Variants in SYCP2 observed in about 807,000 individuals in gnomAD.
SYCP2 encodes synaptonemal complex lateral element protein.
A neutral mutation model predicts 211.3 loss-of-function variants in SYCP2; 55 were observed. The ratio of observed to expected loss-of-function variants is 0.26; its 90% CI spans 0.21 to 0.33. SYCP2 has a LOEUF of 0.33. SYCP2 is among the 10% of genes least tolerant of loss of function. The probability of loss-of-function intolerance (pLI) is 1.00; values close to 1 mark genes in which losing one functional copy is unlikely to be tolerated. For missense variants in SYCP2, 1,731 were observed against 1,752.0 expected, an observed-to-expected ratio of 0.99 and a Z score of 0.21; for synonymous variants, 570 against 555.2, an observed-to-expected ratio of 1.03 and a Z score of -0.37.
rs765295522 is a variant in SYCP2, at chr20:59,913,980, T to G, written c.825A>C (p.Lys275Asn). Residue 275 changes from lysine (K) to asparagine (N), a missense_variant, in exon 12 of 45, where the codon AAA becomes AAC. This residue lies in a region of SYCP2 where 335 missense variants were observed against 378.8 expected (regional missense o/e 0.88). Transcript: ENST00000357552. ...LNLVNGMLGD[K>N]RRVFTFPCLS... ...GTATCTTGCATTAAGTTTACCTTCT[T>G]TTGTCTCCAAGCATGCCATTTACAA... 4 of 1,597,664 alleles carry G rather than the reference T, an allele frequency of 2.5e-6. No individual in the cohort carries two copies. Among genetic ancestry groups the G allele is most frequent in the Admixed American group, 3.5e-5 (2 of 57,396 alleles).
At chr20:59,867,976 AG>A in intron 38 of SYCP2, 129 bp from the exon 39 acceptor site, 1 of 645,368 alleles carries the variant, frequency 1.5e-6, no homozygotes, top group Non-Finnish European at 2.5e-6. Context: ...ATGAAATCAA[AG>A]GCAGAAGAGT....
chr20:59,882,796 G>C lies in SYCP2; in HGVS notation c.2530-631C>G, dbSNP rs191057246. 7.5e-4 allele frequency among the ~76,000 whole-genome samples: 114 copies of C among 151,942 alleles called. 1 individual carries two copies. The East Asian group carries it at 0.02, about 26-fold the overall frequency. ...CCAGGAAGAGTAGGAAGGAGTAGGG[G>C]GGGAACTAAGGGATTAAAAAATATA... On this transcript the variant is annotated intron_variant, in intron 26 of 44. Transcript: ENST00000357552.
At chr20:59,874,893 T>C (rs2059524612) in intron 34 of SYCP2, among the ~76,000 whole-genome samples, 1 of 152,048 alleles carries the variant, frequency 6.6e-6, no homozygotes, top group Non-Finnish European at 1.5e-5. Flanking sequence ...CTTTGGACTT[T>C]TGTTAATGAA....
At chr20:59,886,659 A>T in intron 25 of SYCP2, 48 bp downstream of exon 25, 4 of 1,392,800 alleles carry the variant, frequency 2.9e-6, no homozygotes, top group Non-Finnish European at 3.9e-6. Flanking sequence ...TGTGTAATAT[A>T]GTTGTATCTG....
At chr20:59,886,042 G>T in intron 25 of SYCP2, 78 bp from the exon 26 acceptor site, 1 of 1,072,096 alleles carries the variant, frequency 9.3e-7, no homozygotes, top group Non-Finnish European at 1.4e-6. Flanking sequence ...GATAAACCAT[G>T]TTTGTCACTA....
At chr20:59,916,882 G>T (rs560679636) in intron 7 of SYCP2, among the ~76,000 whole-genome samples, 1 of 152,172 alleles carries the variant, frequency 6.6e-6, no homozygotes, top group South Asian at 2.1e-4. Context: ...TCGTGCCACT[G>T]TACTCCAGCC....
chr20:59,877,960 G>GA (rs1249924518), intron 32 of SYCP2, 48 bp downstream of exon 32: 7 of 1,447,056 alleles, frequency 4.8e-6, no homozygotes, highest in Non-Finnish European at 6.7e-6. Flanking sequence ...TATATGGCAA[G>GA]AAAAAATAAT....
intron 14 of SYCP2, among the ~76,000 whole-genome samples, chr20:59,909,847 C>T (rs1046265083): frequency 1.3e-5 from 2 of 152,030 alleles, no homozygotes; most frequent in Non-Finnish European, 2.9e-5. Context: ...GGAAATAAGA[C>T]AATGTGGAAT....
At chr20:59,890,918 A>G (rs190727247) in intron 24 of SYCP2, among the ~76,000 whole-genome samples, 44 of 152,078 alleles carry the variant, frequency 2.9e-4, no homozygotes, top group Admixed American at 1.5e-3. Flanking sequence ...AAGATGAGAA[A>G]GAGAAAATAA....
chr20:59,875,046 A>G (rs1320012657), intron 34 of SYCP2, among the ~76,000 whole-genome samples: 1 of 152,106 alleles, frequency 6.6e-6, no homozygotes, highest in African/African-American at 2.4e-5. Context: ...ATATTAAAGC[A>G]TTTGATCTTT....
intron 1 of SYCP2, among the ~76,000 whole-genome samples, chr20:59,933,022 G>A (rs1194854011): frequency 6.6e-6 from 1 of 151,936 alleles, no homozygotes; most frequent in Non-Finnish European, 1.5e-5. Flanking sequence ...GGTCACCCCC[G>A]AACCAACAAA....
Position 59,892,322 on chromosome 20 carries a change from C to A in SYCP2, c.2032G>T (p.Asp678Tyr). Reference protein sequence around the residue: ...GKVKYKKEQTDHIKIDKAEVE... With the variant: ...GKVKYKKEQTYHIKIDKAEVE... ...TCTGCTTTATCTATTTTGATATGGT[C>A]GGTTTGTTCTTTCTTATATTTCACT... Residue 678 changes from aspartate (D) to tyrosine (Y), a missense_variant, in exon 24 of 45, where the codon GAC (aspartate) becomes TAC (tyrosine). By Grantham distance (160) the Asp-to-Tyr change is radical. This residue lies in a region of SYCP2 where 1,387 missense variants were observed against 1,351.3 expected (regional missense o/e 1.03). Coordinates refer to ENST00000357552, the MANE Select transcript of SYCP2 (RefSeq NM_014258.4). 1 of 1,609,600 alleles carries A rather than the reference C, an allele frequency of 6.2e-7. No homozygotes were observed. Among genetic ancestry groups the A allele is most frequent in the Non-Finnish European group, 8.5e-7 (1 of 1,177,652 alleles).
chr20:59,880,822 T>C lies in SYCP2; in HGVS notation c.2772+144A>G, dbSNP rs531479420. The C allele has an allele frequency of 8.4e-4, 413 of 489,430 alleles. 3 individuals carry two copies. The highest frequency in any genetic ancestry group is 7.1e-3 in the African/African-American group (354 of 50,180). 30.3% of individuals were successfully genotyped at this position (489,430 alleles called of 1,614,324 possible). On this transcript the variant is annotated intron_variant, in intron 30 of 44. Transcript: ENST00000357552. ...ATGATTACAAATAGCTGAAAGACCA[T>C]AAGAAAATTCATAATAGGAAGGTGG...
At chr20:59,884,541 G>A (rs1475980061) in intron 26 of SYCP2, among the ~76,000 whole-genome samples, 1 of 151,908 alleles carries the variant, frequency 6.6e-6, no homozygotes, top group Non-Finnish European at 1.5e-5. Context: ...TTTATGTTGT[G>A]ATTCATCTTC....
chr20:59,883,875 T>G (rs1368671355), intron 26 of SYCP2, among the ~76,000 whole-genome samples: 1 of 152,018 alleles, frequency 6.6e-6, no homozygotes, highest in Non-Finnish European at 1.5e-5. Context: ...CCTATTATAT[T>G]TGGGATATTT....
In SYCP2 at chr20:59,892,040, T is replaced by C; in HGVS notation, c.2314A>G (p.Lys772Glu). ...KNVQSHRKAE[K>E]ELTSELNSWD... Reference sequence around the variant, plus strand: ...GAATTAAGCTCAGAAGTCAATTCTTTCTCTGCTTTTCTATGACTTTGCACA... The same window carrying C: ...GAATTAAGCTCAGAAGTCAATTCTTCCTCTGCTTTTCTATGACTTTGCACA... The change falls in exon 24 of 45, where the codon AAA becomes GAA. Residue 772 changes from lysine (K) to glutamate (E), a missense_variant. Lys to Glu is a moderately conservative substitution (Grantham distance 56, BLOSUM62 1). Around this residue, in one of 3 missense-constraint regions of SYCP2, gnomAD observed 1,387 missense variants for 1,351.3 expected, o/e 1.03. Coordinates refer to ENST00000357552, the MANE Select transcript of SYCP2 (RefSeq NM_014258.4). 1.2e-6 allele frequency: 2 copies of C among 1,607,184 alleles called. No individual in the cohort carries two copies. The highest frequency in any genetic ancestry group is 1.7e-6 in the Non-Finnish European group (2 of 1,177,700).
intron 5 of SYCP2, 61 bp downstream of exon 5, chr20:59,920,298 T>A: frequency 7.2e-7 from 1 of 1,385,658 alleles, no homozygotes; most frequent in Non-Finnish European, 9.8e-7. Flanking sequence ...AATTTCTTAC[T>A]AGAAAGCATA....
intron 20 of SYCP2, among the ~76,000 whole-genome samples, 179 bp from the exon 21 acceptor site, chr20:59,893,772 CAAG>C (rs1476647617): frequency 3.9e-5 from 6 of 151,920 alleles, no homozygotes; most frequent in African/African-American, 7.2e-5. Flanking sequence ...TCCTGAAACA[CAAG>C]AAGAAAACTG....
chr20:59,888,727 C>G (rs182115764), intron 24 of SYCP2, among the ~76,000 whole-genome samples: 2 of 151,984 alleles, frequency 1.3e-5, no homozygotes, highest in South Asian at 2.1e-4. Context: ...TCACAAATGA[C>G]CTGTCTGTAG....
Sources: gnomAD v4.1 joint callset for allele counts (sites outside exome capture counted in the v4.1 genomes callset) on GRCh38, gnomAD v4.1.1 for gene constraint, gnomAD v4.1.1 regional missense constraint, MANE v1.5 for transcripts, NCBI Gene and HGNC (gene_info 2026-07-23, HGNC 2026-07-21) for gene names.